The following SPAG9 variants were observed in gnomAD, a reference collection of about 807,000 sequenced individuals.
SPAG9 encodes sperm associated antigen 9.
In SPAG9, 35 loss-of-function variants were observed where a neutral mutation model predicts 166.5. The observed-to-expected ratio is 0.21, with a 90% CI of 0.16 to 0.28. SPAG9 has a LOEUF of 0.28. SPAG9 is among the 10% of genes least tolerant of loss of function. The pLI is 1.00. For synonymous variants in SPAG9, 534 were observed against 565.5 expected (o/e 0.94, Z 0.79); for missense variants, 1,235 against 1,603.3 (o/e 0.77, Z 3.92).
intron 1 of SPAG9, among the ~76,000 whole-genome samples, chr17:51,081,450 C>CA (rs1228056183): frequency 6.6e-6 from 1 of 150,478 alleles, no homozygotes; most frequent in Non-Finnish European, 1.5e-5. Flanking sequence ...GACCCCCTCT[C>CA]AAAAAAAAGC....
At chr17:51,018,498 T>A (rs1217835293) in intron 8 of SPAG9, among the ~76,000 whole-genome samples, 1 of 152,242 alleles carries the variant, frequency 6.6e-6, no homozygotes, top group Non-Finnish European at 1.5e-5. Context: ...CATTCTCTCT[T>A]CCTGATCTGG....
intron 19 of SPAG9, 45 bp from the exon 20 acceptor site, chr17:50,990,713 A>G: frequency 1.3e-6 from 2 of 1,509,184 alleles, no homozygotes; most frequent in Non-Finnish European, 1.8e-6. Context: ...ACTTCTATAA[A>G]TAACATTTTT....
chr17:51,052,761 G>GA (rs1214029790), intron 3 of SPAG9, among the ~76,000 whole-genome samples: 8 of 151,884 alleles, frequency 5.3e-5, no homozygotes, highest in African/African-American at 1.9e-4. Flanking sequence ...TATTTTTAAA[G>GA]AATGTATATA....
In SPAG9 at chr17:50,964,928, G is replaced by T. The variant is rs977368879; in HGVS notation, c.*1344C>A. The T allele has an allele frequency of 1.7e-3, 288 of 167,986 alleles. 2 individuals are homozygous for T. The highest frequency in any genetic ancestry group is 3.1e-3 in the Admixed American group (46 of 14,794). The allele number at this position is 167,986 out of a possible 1,614,324, so 10.4% of individuals were successfully genotyped here. On this transcript the variant is annotated 3_prime_UTR_variant, in exon 30 of 30. Transcript: ENST00000262013. ...CCACCACACCCGGTTAATTTATTTT[G>T]TTTTTTTTTTTTGGTAGAGACAGGG...
intron 21 of SPAG9, among the ~76,000 whole-genome samples, chr17:50,988,672 G>A (rs886913822): frequency 2.0e-5 from 3 of 152,084 alleles, no homozygotes; most frequent in African/African-American, 7.2e-5. Flanking sequence ...TCCCACCTCA[G>A]CCTCCTGAGT....
intron 2 of SPAG9, among the ~76,000 whole-genome samples, chr17:51,077,186 T>C (rs143459101): frequency 0.031 from 4,721 of 151,482 alleles, 251 homozygotes; most frequent in African/African-American, 0.11. Flanking sequence ...TGTAGTGGTG[T>C]GATCTCGGCT....
chr17:51,053,445 G>T (rs2047236594), intron 3 of SPAG9, among the ~76,000 whole-genome samples: 1 of 152,098 alleles, frequency 6.6e-6, no homozygotes, highest in African/African-American at 2.4e-5. Flanking sequence ...CCAGCACTTT[G>T]GTAGGCCAAG....
At chr17:51,104,880 CCG>C (rs2048901479) in intron 1 of SPAG9, among the ~76,000 whole-genome samples, 2 of 146,044 alleles carry the variant, frequency 1.4e-5, no homozygotes, top group African/African-American at 5.1e-5. Flanking sequence ...TTGCAGTGAG[CCG>C]AGATCGCGCC....
rs1484624706 is a variant in SPAG9, at chr17:50,987,024, G to C, written c.2939+88C>G. The C allele has an allele frequency of 6.1e-6, 8 of 1,306,584 alleles. No individual in the cohort carries two copies. In the African/African-American group the frequency reaches 1.2e-4, roughly 20 times the overall value. 80.9% of individuals were successfully genotyped at this position (1,306,584 alleles called of 1,614,324 possible). On this transcript the variant is annotated intron_variant, in intron 22 of 29. Transcript: ENST00000262013. ...TTCTTTGCATTAATCCACACTTTTT[G>C]TATTTGTTTACCATATTTTACTTAT...
At chr17:51,012,018 T>C (rs1330262388) in intron 9 of SPAG9, among the ~76,000 whole-genome samples, 1 of 152,206 alleles carries the variant, frequency 6.6e-6, no homozygotes, top group African/African-American at 2.4e-5. Context: ...GTACAAATTA[T>C]ATTCAGAATT....
intron 10 of SPAG9, among the ~76,000 whole-genome samples, chr17:51,006,648 C>A (rs774301457): frequency 3.9e-5 from 6 of 152,168 alleles, no homozygotes; most frequent in Non-Finnish European, 7.3e-5. Flanking sequence ...ACCCTGATAT[C>A]CAGTTCCTTT....
rs576051245 is a variant in SPAG9, at chr17:51,071,489, A to T, written c.424+8095T>A. 2.0e-5 allele frequency among the ~76,000 whole-genome samples: 3 copies of T among 152,312 alleles called. No individual in the cohort carries two copies. The East Asian group carries it at 5.8e-4, about 29-fold the overall frequency. ...GATAAGGAATAATATACAGCATTTTAAAAAATCCTTTATTCATGTTGGAAA... is the reference window on the plus strand; with the variant it reads ...GATAAGGAATAATATACAGCATTTTTAAAAATCCTTTATTCATGTTGGAAA... On this transcript the variant is annotated intron_variant, in intron 2 of 29. Coordinates refer to ENST00000262013, the MANE Select transcript of SPAG9 (RefSeq NM_001130528.3).
At chr17:51,052,016 T>C (rs1027629856) in intron 3 of SPAG9, among the ~76,000 whole-genome samples, 3 of 152,194 alleles carry the variant, frequency 2.0e-5, no homozygotes, top group East Asian at 3.8e-4. Flanking sequence ...AGGCATGTCT[T>C]TTAAGCAAAT....
chr17:51,103,069 G>C (rs2048850545), intron 1 of SPAG9, among the ~76,000 whole-genome samples: 1 of 152,114 alleles, frequency 6.6e-6, no homozygotes, highest in African/African-American at 2.4e-5. Context: ...ATACCCAGGA[G>C]AAGTCATGGT....
At chr17:51,093,191 A>G (rs1165686086) in intron 1 of SPAG9, among the ~76,000 whole-genome samples, 1 of 151,314 alleles carries the variant, frequency 6.6e-6, no homozygotes, top group African/African-American at 2.4e-5. Context: ...CCTAGGCAAA[A>G]TAGCAAAACC....
At chr17:50,986,281 T>C (rs1486110416) in intron 22 of SPAG9, among the ~76,000 whole-genome samples, 2 of 152,184 alleles carry the variant, frequency 1.3e-5, no homozygotes, top group African/African-American at 2.4e-5. Flanking sequence ...TTATATGAAA[T>C]TCAAACTACA....
chr17:50,998,640 TGTGTCACATGTACTATGAGAA>T (rs749328072), intron 14 of SPAG9, 23 bp from the exon 15 acceptor site: 1 of 1,605,080 alleles, frequency 6.2e-7, no homozygotes, highest in East Asian at 2.2e-5. Context: ...AGTATGTCTG[TGTGTCACATGTACTATGAGAA>T]ACAATCCTTG....
At chr17:50,997,008 T>C (rs1186534171) in intron 15 of SPAG9, among the ~76,000 whole-genome samples, 1 of 152,132 alleles carries the variant, frequency 6.6e-6, no homozygotes, top group Non-Finnish European at 1.5e-5. Context: ...GGCACGGTAG[T>C]GCGGACCTAT....
chr17:50,970,103 G>T (rs1973665527), intron 29 of SPAG9, among the ~76,000 whole-genome samples: 1 of 152,192 alleles, frequency 6.6e-6, no homozygotes, highest in Non-Finnish European at 1.5e-5. Context: ...GCTCTAAGAG[G>T]TTGAATGACT....
Sources: allele counts gnomAD v4.1 joint callset (sites outside exome capture counted in the v4.1 genomes callset), GRCh38; gene constraint gnomAD v4.1.1; transcripts MANE v1.5; gene names NCBI Gene and HGNC (gene_info 2026-07-23, HGNC 2026-07-21).